ARFGEF1: variants seen among roughly 807,000 people sequenced by gnomAD.
ARFGEF1 encodes brefeldin A-inhibited guanine nucleotide-exchange protein 1.
A neutral mutation model predicts 231.0 loss-of-function variants in ARFGEF1; 42 were observed. The observed-to-expected ratio is 0.18, with a 90% CI of 0.14 to 0.24. ARFGEF1 has a LOEUF of 0.24. ARFGEF1 is among the 10% of genes least tolerant of loss of function. ARFGEF1 has a pLI of 1.00. For synonymous variants in ARFGEF1, 710 were observed against 732.3 expected (o/e 0.97, Z 0.49); for missense variants, 1,345 against 2,192.0 (o/e 0.61, Z 7.72).
At position 67,227,216 on chromosome 8, in the gene ARFGEF1, G is replaced by C; in HGVS notation, c.3837C>G (p.Phe1279Leu). 1 of 1,612,954 alleles carries C rather than the reference G, an allele frequency of 6.2e-7. No homozygotes were observed. Among genetic ancestry groups the C allele is most frequent in the Non-Finnish European group, 8.5e-7 (1 of 1,179,220 alleles). The change falls in exon 27 of 39, where the codon TTC becomes TTG. Residue 1279 changes from phenylalanine to leucine, a missense_variant. Physicochemically the swap from Phe to Leu is conservative, Grantham distance 22. Coordinates refer to ENST00000262215, the MANE Select transcript of ARFGEF1 (RefSeq NM_006421.5). Reference sequence around the variant, plus strand: ...CAGATGCAGCTAGATGAAATACAGAGAAAATGTTCTTCCATCCAGATCGAA... The same window carrying C: ...CAGATGCAGCTAGATGAAATACAGACAAAATGTTCTTCCATCCAGATCGAA... ...ANIRSGWKNI[F>L]SVFHLAASDQ...
At chr8:67,184,025 G>A (rs927402513) in intron 5 of ARFGEF1, among the ~76,000 whole-genome samples, 1 of 151,950 alleles carries the variant, frequency 6.6e-6, no homozygotes, top group Non-Finnish European at 1.5e-5. Flanking sequence ...GCTAATTTTT[G>A]TATTTTTAGT....
intron 1 of ARFGEF1, among the ~76,000 whole-genome samples, chr8:67,322,946 C>T (rs1807663291): frequency 6.6e-6 from 1 of 152,122 alleles, no homozygotes; most frequent in Admixed American, 6.6e-5. Context: ...CAAATATATA[C>T]TTAAATGTTT....
chr8:67,336,873 G>C (rs1318540102), intron 1 of ARFGEF1, among the ~76,000 whole-genome samples: 1 of 151,898 alleles, frequency 6.6e-6, no homozygotes, highest in Non-Finnish European at 1.5e-5. Flanking sequence ...GCTCACGCCT[G>C]TAATCCCAGC....
chr8:67,219,608 C>T (rs1246967400), intron 29 of ARFGEF1, 48 bp from the exon 30 acceptor site: 1 of 1,534,166 alleles, frequency 6.5e-7, no homozygotes. Flanking sequence ...AAAAAGCATA[C>T]TTCTCCTAAA....
chr8:67,291,551 T>C (rs1365036453), intron 6 of ARFGEF1, among the ~76,000 whole-genome samples: 1 of 152,118 alleles, frequency 6.6e-6, no homozygotes, highest in Non-Finnish European at 1.5e-5. Flanking sequence ...GAAATTCCTA[T>C]ATAACATTTA....
chr8:67,308,803 T>C (rs558636454), intron 1 of ARFGEF1, among the ~76,000 whole-genome samples: 3 of 152,162 alleles, frequency 2.0e-5, no homozygotes, highest in Middle Eastern at 3.2e-3. Context: ...ATTAATTGTA[T>C]ATATTATATA....
rs745999763 is a variant in ARFGEF1, at chr8:67,216,710, G to C, written c.4614-48C>G. On this transcript the variant is annotated intron_variant, in intron 32 of 38. Coordinates refer to ENST00000262215, the MANE Select transcript of ARFGEF1 (RefSeq NM_006421.5). ...CAATCACTAGGGGGCTGTGCCACAT[G>C]CCACATCCAGCATATTTTGAAATGG... 3 of 1,419,200 alleles carry C rather than the reference G, an allele frequency of 2.1e-6. No homozygotes were observed. The East Asian group carries it at 7.4e-5, about 35-fold the overall frequency. 87.9% of individuals were successfully genotyped at this position (1,419,200 alleles called of 1,614,324 possible).
rs557810612 is a variant in ARFGEF1, at chr8:67,268,781, T to A, written c.1573-1339A>T. On this transcript the variant is annotated intron_variant, in intron 10 of 38. Transcript: ENST00000262215. ...TTTATGCATACTATTGTCTTTGAAA[T>A]ACATAGTAGGCTGTGAAGACAAATA... Among the ~76,000 whole-genome samples, 6 of 152,334 alleles carry A rather than the reference T, an allele frequency of 3.9e-5. No homozygotes were observed. The East Asian group carries it at 9.6e-4, about 24-fold the overall frequency.
At chr8:67,310,197 C>A (rs1053853586) in intron 1 of ARFGEF1, among the ~76,000 whole-genome samples, 16 of 151,684 alleles carry the variant, frequency 1.1e-4, no homozygotes, top group African/African-American at 3.9e-4. Flanking sequence ...CGGCTCACTG[C>A]AACCTCCCTG....
intron 5 of ARFGEF1, among the ~76,000 whole-genome samples, chr8:67,186,973 CT>C (rs1421827107): frequency 4.2e-5 from 3 of 70,926 alleles, no homozygotes; most frequent in East Asian, 7.3e-4. Flanking sequence ...TATCTATCAT[CT>C]ATCTATCTAT....
At chr8:67,287,932 T>C (rs756692803) in intron 7 of ARFGEF1, 23 bp downstream of exon 7, 1 of 1,499,506 alleles carries the variant, frequency 6.7e-7, no homozygotes, top group East Asian at 2.4e-5. Context: ...CAGAGTAAAA[T>C]AATTTTGAAT....
intron 18 of ARFGEF1, among the ~76,000 whole-genome samples, chr8:67,252,096 CCT>C (rs1189373602): frequency 6.6e-6 from 1 of 151,834 alleles, no homozygotes; most frequent in Non-Finnish European, 1.5e-5. Context: ...ATGGAGAAAC[CCT>C]GTCTCTACTA....
Position 67,228,221 on chromosome 8 carries a change from T to C in ARFGEF1, c.3421+3A>G. 1.9e-6 allele frequency: 3 copies of C among 1,610,942 alleles called. No homozygotes were observed. The South Asian group carries it at 3.3e-5, about 18-fold the overall frequency. On this transcript the variant is annotated splice_donor_region_variant and intron_variant, in intron 24 of 38. Transcript: ENST00000262215. ...CCGAAGTAGAATAAATGCCCATACT[T>C]ACCAATGGCATTTCCATCTAGCCTT... is the stretch of plus-strand genomic sequence containing the variant.
chr8:67,296,813 G>A (rs1038092746), intron 4 of ARFGEF1, among the ~76,000 whole-genome samples: 1 of 151,816 alleles, frequency 6.6e-6, no homozygotes, highest in Non-Finnish European at 1.5e-5. Flanking sequence ...ACCACACCCG[G>A]CTAATTTTGT....
chr8:67,177,670 T>C, intron 5 of ARFGEF1: 1 of 1,600,970 alleles, frequency 6.2e-7, no homozygotes, highest in Non-Finnish European at 8.6e-7. Context: ...TTGTTCTCCA[T>C]TGACTACAGT....
At chr8:67,222,056 G>A (rs907381236) in intron 29 of ARFGEF1, among the ~76,000 whole-genome samples, 9 of 150,170 alleles carry the variant, frequency 6.0e-5, no homozygotes, top group African/African-American at 1.2e-4. Context: ...CTCGTGATCC[G>A]CCCACCTTGG....
intron 1 of ARFGEF1, among the ~76,000 whole-genome samples, chr8:67,331,203 C>T (rs1274416668): frequency 1.3e-5 from 2 of 151,864 alleles, no homozygotes; most frequent in Non-Finnish European, 2.9e-5. Flanking sequence ...ATTAAAACAC[C>T]CATCGATTCA....
At chr8:67,211,363 A>AAAAAAG (rs1838743157) in intron 34 of ARFGEF1, 120 bp downstream of exon 34, 1 of 674,354 alleles carries the variant, frequency 1.5e-6, no homozygotes, top group African/African-American at 1.9e-5. Context: ...AAAAAAAAAA[A>AAAAAAG]AAGAAGTGAT....
chr8:67,230,011 C>CGGT (rs755510763), intron 23 of ARFGEF1, among the ~76,000 whole-genome samples: 25 of 152,126 alleles, frequency 1.6e-4, no homozygotes, highest in Admixed American at 1.2e-3. Context: ...AGCAATAAGA[C>CGGT]AGGTCCTGTG....
Sources: gnomAD v4.1 joint callset for allele counts (sites outside exome capture counted in the v4.1 genomes callset) on GRCh38, gnomAD v4.1.1 for gene constraint, MANE v1.5 for transcripts, NCBI Gene and HGNC (gene_info 2026-07-23, HGNC 2026-07-21) for gene names.